The following ZNF804B variants were observed in gnomAD, a reference collection of about 807,000 sequenced individuals.
ZNF804B encodes zinc finger protein 804B.
ZNF804B carries 80 observed loss-of-function variants against 101.4 expected under a neutral mutation model. The ratio of observed to expected loss-of-function variants is 0.79; its 90% CI spans 0.66 to 0.95. The LOEUF (loss-of-function observed/expected upper bound fraction) is 0.95, where lower values mean the gene tolerates loss of function less well. Ranked by LOEUF, ZNF804B falls within the 40% of genes least tolerant of loss-of-function variation. ZNF804B has a pLI of 0.00. For missense variants in ZNF804B, 1,673 were observed against 1,561.9 expected, an observed-to-expected ratio of 1.07 and a Z score of -1.20; for synonymous variants, 622 against 558.8, an observed-to-expected ratio of 1.11 and a Z score of -1.59.
intron 1 of ZNF804B, among the ~76,000 whole-genome samples, chr7:88,912,727 G>T (rs1478807885): frequency 6.6e-6 from 1 of 151,936 alleles, no homozygotes; most frequent in Non-Finnish European, 1.5e-5. Flanking sequence ...TTCTCAATAC[G>T]TTTGTAAGTA....
intron 2 of ZNF804B, among the ~76,000 whole-genome samples, chr7:89,274,393 G>A (rs1789946440): frequency 7.9e-6 from 1 of 127,332 alleles, no homozygotes; most frequent in Admixed American, 9.5e-5. Context: ...TCCCACCTAT[G>A]AGTGAGAATA....
intron 1 of ZNF804B, chr7:88,794,265 C>T (rs764250079): frequency 1.9e-5 from 30 of 1,613,510 alleles, no homozygotes; most frequent in South Asian, 9.9e-5. Flanking sequence ...TAAATGTTGC[C>T]GGGTCCATGA....
chr7:89,014,617 T>C (rs1788514251), intron 1 of ZNF804B, among the ~76,000 whole-genome samples: 2 of 152,174 alleles, frequency 1.3e-5, no homozygotes, highest in Admixed American at 6.6e-5. Context: ...CGCCCAGCGA[T>C]TGAACTTTTG....
chr7:88,877,298 C>T (rs753707005), intron 1 of ZNF804B, among the ~76,000 whole-genome samples: 3 of 151,232 alleles, frequency 2.0e-5, no homozygotes, highest in Non-Finnish European at 4.4e-5. Flanking sequence ...GAACATTTCT[C>T]ACTCTCTCTC....
intron 1 of ZNF804B, among the ~76,000 whole-genome samples, chr7:88,793,899 T>C (rs896480340): frequency 1.1e-4 from 17 of 152,096 alleles, no homozygotes; most frequent in South Asian, 2.1e-4. Context: ...ATACTTTTTT[T>C]TGAAAAGTGT....
At chr7:89,304,137 C>G (rs1790525084) in intron 2 of ZNF804B, among the ~76,000 whole-genome samples, 1 of 151,770 alleles carries the variant, frequency 6.6e-6, no homozygotes, top group Non-Finnish European at 1.5e-5. Context: ...ATGTCTTTCC[C>G]AAAGTCCTGG....
chr7:89,050,913 C>T (rs1367127328), intron 1 of ZNF804B, among the ~76,000 whole-genome samples: 1 of 151,920 alleles, frequency 6.6e-6, no homozygotes, highest in Non-Finnish European at 1.5e-5. Flanking sequence ...ATGGATATAA[C>T]TCATTATCAT....
intron 1 of ZNF804B, among the ~76,000 whole-genome samples, chr7:89,034,052 A>G (rs1788884337): frequency 6.6e-6 from 1 of 152,054 alleles, no homozygotes; most frequent in South Asian, 2.1e-4. Context: ...CTTCCTACAT[A>G]TTCATTTGCT....
At chr7:88,891,755 T>A (rs1192822311) in intron 1 of ZNF804B, among the ~76,000 whole-genome samples, 1 of 152,118 alleles carries the variant, frequency 6.6e-6, no homozygotes, top group African/African-American at 2.4e-5. Flanking sequence ...TTCTTTTTTT[T>A]ATACTTTAAT....
chr7:89,186,958 C>G (rs142781490), intron 1 of ZNF804B, among the ~76,000 whole-genome samples: 2 of 152,264 alleles, frequency 1.3e-5, no homozygotes, highest in East Asian at 3.9e-4. Context: ...AGGCAAACCA[C>G]TTTTCTAGCC....
At chr7:89,019,321 T>C (rs992226862) in intron 1 of ZNF804B, among the ~76,000 whole-genome samples, 1 of 152,094 alleles carries the variant, frequency 6.6e-6, no homozygotes, top group Non-Finnish European at 1.5e-5. Context: ...TTTTTAGTTT[T>C]ATTCTATTGT....
At chr7:89,260,379 G>T (rs34808666) in intron 2 of ZNF804B, among the ~76,000 whole-genome samples, 2,038 of 151,112 alleles carry the variant, frequency 0.013, 43 homozygotes, top group African/African-American at 0.047. Flanking sequence ...TTTTTTCCTT[G>T]TTAAAAACCT....
Position 89,335,859 on chromosome 7 carries a change from G to A in ZNF804B, c.2877G>A (p.Ser959=), listed in dbSNP as rs149179674. 158 of 1,613,994 alleles carry A rather than the reference G, an allele frequency of 9.8e-5. 3 individuals are homozygous for A. In the Admixed American group the frequency reaches 1.8e-3, roughly 18 times the overall value. ...GTAAAAGTGAATTAGAGGCTCCTTC[G>A]CAAGTCCCATGCACAATTCAACTTG... The part of the protein sequence containing the change: ...NSCKSELEAP[S]QVPCTIQLAP... The change falls in exon 4 of 4, where the codon TCG becomes TCA. Residue 959 remains serine, a synonymous_variant. Transcript: ENST00000333190.
At chr7:88,970,464 C>T (rs1793518519) in intron 1 of ZNF804B, among the ~76,000 whole-genome samples, 1 of 150,972 alleles carries the variant, frequency 6.6e-6, no homozygotes, top group Non-Finnish European at 1.5e-5. Context: ...ATAAGTAAAC[C>T]AGATATTCTA....
intron 2 of ZNF804B, among the ~76,000 whole-genome samples, chr7:89,256,790 A>G (rs966298042): frequency 2.1e-4 from 32 of 152,316 alleles, no homozygotes; most frequent in East Asian, 1.9e-4. Context: ...CATACTCTTC[A>G]GAATTATAAT....
chr7:89,308,326 G>A lies in ZNF804B; in HGVS notation c.250-19018G>A, dbSNP rs139245025. ...TTATTTTGAGTTCTGAAAATTAGTTGTGCATTTAATAGTTCTGTGAGATCC... is the reference window on the plus strand; with the variant it reads ...TTATTTTGAGTTCTGAAAATTAGTTATGCATTTAATAGTTCTGTGAGATCC... On this transcript the variant is annotated intron_variant, in intron 2 of 3. Transcript: ENST00000333190. Among the ~76,000 whole-genome samples, 6 of 152,216 alleles carry A rather than the reference G, an allele frequency of 3.9e-5. No individual in the cohort carries two copies. In the East Asian group the frequency reaches 1.2e-3, roughly 29 times the overall value.
Position 88,846,236 on chromosome 7 carries a change from A to G in ZNF804B, c.108+86152A>G, listed in dbSNP as rs138002548. ...GATTTACTGGAGCACAGTCGAATAC[A>G]TTTTGCATCTGTAAAACCACCCGCA... On this transcript the variant is annotated intron_variant, in intron 1 of 3. Coordinates refer to ENST00000333190, the MANE Select transcript of ZNF804B (RefSeq NM_181646.5). Among the ~76,000 whole-genome samples, 603 of 151,546 alleles carry G rather than the reference A, an allele frequency of 4.0e-3. 3 individuals are homozygous for G. The highest frequency in any genetic ancestry group is 0.014 in the African/African-American group (578 of 41,490).
At chr7:89,256,048 A>G (rs370575269) in intron 2 of ZNF804B, among the ~76,000 whole-genome samples, 212 of 152,268 alleles carry the variant, frequency 1.4e-3, no homozygotes, top group African/African-American at 4.8e-3. Context: ...GTTCAATACT[A>G]GTGTGCTGGG....
rs900949469 is a variant in ZNF804B, at chr7:89,037,281, G to A, written c.109-180874G>A. Among the ~76,000 whole-genome samples the A allele has an allele frequency of 2.0e-5, 3 of 152,038 alleles. No homozygotes were observed. In the South Asian group the frequency reaches 6.2e-4, roughly 32 times the overall value. ...TTTAGAATGTACAGACCACCAACAT[G>A]CTTAAGAATGTCCACTAAATAGCAT... On this transcript the variant is annotated intron_variant, in intron 1 of 3. Coordinates refer to ENST00000333190, the MANE Select transcript of ZNF804B (RefSeq NM_181646.5).
Sources: allele counts gnomAD v4.1 joint callset (sites outside exome capture counted in the v4.1 genomes callset), GRCh38; gene constraint gnomAD v4.1.1; transcripts MANE v1.5; gene names NCBI Gene and HGNC (gene_info 2026-07-23, HGNC 2026-07-21).